Variants in FBLN5 observed in about 807,000 individuals in gnomAD.
The protein encoded by FBLN5 is fibulin-5.
FBLN5 carries 24 observed loss-of-function variants against 61.6 expected under a neutral mutation model. That is an observed-to-expected ratio of 0.39 (90% CI 0.28 to 0.55). The LOEUF (loss-of-function observed/expected upper bound fraction) is 0.55. Ranked by LOEUF, FBLN5 falls within the 20% of genes least tolerant of loss-of-function variation. FBLN5 has a pLI of 0.65. For synonymous variants in FBLN5, 213 were observed against 219.8 expected, an observed-to-expected ratio of 0.97 and a Z score of 0.27; for missense variants, 470 against 594.1, an observed-to-expected ratio of 0.79 and a Z score of 2.17.
intron 4 of FBLN5, among the ~76,000 whole-genome samples, chr14:91,916,578 C>T (rs926875024): frequency 6.6e-6 from 1 of 152,188 alleles, no homozygotes; most frequent in Non-Finnish European, 1.5e-5. Context: ...GGGGCAGTAT[C>T]AGTACTTGCT....
At chr14:91,921,454 T>C (rs1417499206) in intron 4 of FBLN5, among the ~76,000 whole-genome samples, 1 of 152,056 alleles carries the variant, frequency 6.6e-6, no homozygotes, top group South Asian at 2.1e-4. Flanking sequence ...AGCTAAGGGA[T>C]GGGAAAATCA....
chr14:91,883,256 T>C (rs1438367709), intron 7 of FBLN5, among the ~76,000 whole-genome samples, 180 bp from the exon 8 acceptor site: 1 of 152,250 alleles, frequency 6.6e-6, no homozygotes. Context: ...CTACTGAGGA[T>C]AACCATTGAT....
chr14:91,925,639 G>A (rs1465642169), intron 4 of FBLN5, among the ~76,000 whole-genome samples: 2 of 152,224 alleles, frequency 1.3e-5, no homozygotes, highest in Non-Finnish European at 2.9e-5. Flanking sequence ...TTCAAGGTAC[G>A]AAGGGCACAG....
At chr14:91,892,000 C>T (rs981359444) in intron 5 of FBLN5, among the ~76,000 whole-genome samples, 1 of 152,184 alleles carries the variant, frequency 6.6e-6, no homozygotes, top group African/African-American at 2.4e-5. Flanking sequence ...CCAGAGTGAA[C>T]ATAAAACTCT....
Position 91,947,547 on chromosome 14 carries a change from C to G in FBLN5, c.-318G>C. 3 of 476,928 alleles carry G rather than the reference C, an allele frequency of 6.3e-6. No homozygotes were observed. Among genetic ancestry groups the G allele is most frequent in the Non-Finnish European group, 1.1e-5 (3 of 260,920 alleles). The allele number at this position is 476,928 out of a possible 1,614,324, so 29.5% of individuals were successfully genotyped here. On this transcript the variant is annotated 5_prime_UTR_variant, in exon 1 of 11. Transcript: ENST00000342058. This position sits in a 1 kb window ranked among gnomAD's most constrained non-coding sequence, Gnocchi z 4.3. ...TAAACAATGCAAATGGGGCCTCAGT[C>G]TGGACACAGCTGGTTCAGATTACAG...
At chr14:91,945,572 C>A (rs903397669) in intron 1 of FBLN5, among the ~76,000 whole-genome samples, 2 of 152,176 alleles carry the variant, frequency 1.3e-5, no homozygotes, top group Non-Finnish European at 2.9e-5. Flanking sequence ...TTACTACAAA[C>A]GTGCACCACA....
At chr14:91,871,896 G>A (rs1888948889) in intron 10 of FBLN5, among the ~76,000 whole-genome samples, 1 of 151,686 alleles carries the variant, frequency 6.6e-6, no homozygotes, top group African/African-American at 2.4e-5. Context: ...GAAAGGCCTT[G>A]CCACTCAAAG....
At chr14:91,902,291 T>G (rs1368820138) in intron 4 of FBLN5, among the ~76,000 whole-genome samples, 2 of 151,570 alleles carry the variant, frequency 1.3e-5, no homozygotes, top group East Asian at 1.9e-4. Context: ...GTTTTTTTTT[T>G]TTTTTTTTCA....
At position 91,881,276 on chromosome 14, in the gene FBLN5, G is replaced by T. The variant is rs747857046; in HGVS notation, c.989+16C>A. 7.4e-6 allele frequency: 12 copies of T among 1,613,772 alleles called. No homozygotes were observed. Among genetic ancestry groups the T allele is most frequent in the Middle Eastern group, 1.6e-4 (1 of 6,078 alleles). On this transcript the variant is annotated intron_variant, in intron 9 of 10. Coordinates refer to ENST00000342058, the MANE Select transcript of FBLN5 (RefSeq NM_006329.4). ...CTCATCAGGTTTCTATTCCCCAGGG[G>T]GACGCCGTGACTTACTTATCACTGA...
At chr14:91,924,362 T>G (rs2055790049) in intron 4 of FBLN5, among the ~76,000 whole-genome samples, 1 of 152,228 alleles carries the variant, frequency 6.6e-6, no homozygotes, top group African/African-American at 2.4e-5. Context: ...CTTTTCTGCT[T>G]ATTTAACAAA....
chr14:91,937,001 T>G lies in FBLN5; in HGVS notation c.325A>C (p.Arg109=). 1 of 1,614,080 alleles carries G rather than the reference T, an allele frequency of 6.2e-7. No individual in the cohort carries two copies. The highest frequency in any genetic ancestry group is 8.5e-7 in the Non-Finnish European group (1 of 1,180,022). The change falls in exon 4 of 11, where the codon AGG becomes CGG. Residue 109 remains arginine (R), a synonymous_variant. Transcript: ENST00000342058. ...TATCCAAAGCGGCATATAAGAGGCC[T>G]GGAGATCGTGGGATAGTTTGGAGCT... ...LSAPNYPTIS[R]PLICRFGYQM...
intron 4 of FBLN5, among the ~76,000 whole-genome samples, chr14:91,925,279 A>C (rs961512869): frequency 1.3e-5 from 2 of 152,190 alleles, no homozygotes; most frequent in African/African-American, 2.4e-5. Flanking sequence ...AGGGCCCAGC[A>C]CTGGCTGTCC....
Position 91,943,049 on chromosome 14 carries a change from G to A in FBLN5, c.18-88C>T, listed in dbSNP as rs565448041. 3 of 869,982 alleles carry A rather than the reference G, an allele frequency of 3.4e-6. No homozygotes were observed. Among genetic ancestry groups the A allele is most frequent in the Admixed American group, 2.0e-5 (1 of 50,146 alleles). 53.9% of individuals were successfully genotyped at this position (869,982 alleles called of 1,614,324 possible). A position where few individuals can be genotyped will look rare whatever the true frequency, so the allele number is the denominator to read the frequency against. On this transcript the variant is annotated intron_variant, in intron 1 of 10. Transcript: ENST00000342058. The surrounding 1 kb of genome is among the most constrained non-coding windows in gnomAD (Gnocchi z 4.0). ...TCGCATGCGGCCCGTGACGTGTAACGGTGATATCACCTTGGGCTTGTATGG... is the reference window on the plus strand; with the variant it reads ...TCGCATGCGGCCCGTGACGTGTAACAGTGATATCACCTTGGGCTTGTATGG...
intron 4 of FBLN5, among the ~76,000 whole-genome samples, chr14:91,895,730 G>A (rs1890194779): frequency 6.7e-6 from 1 of 149,702 alleles, no homozygotes; most frequent in African/African-American, 2.5e-5. Flanking sequence ...CCCAGGAGGT[G>A]GAGGCTGCAG....
chr14:91,922,110 T>C (rs1595336249), intron 4 of FBLN5, among the ~76,000 whole-genome samples: 1 of 151,966 alleles, frequency 6.6e-6, no homozygotes, highest in African/African-American at 2.4e-5. Flanking sequence ...ACGGCCAACA[T>C]GGCAAAACCC....
chr14:91,883,664 A>AAAAAAAACAC (rs758858453), intron 7 of FBLN5, among the ~76,000 whole-genome samples: 1 of 148,396 alleles, frequency 6.7e-6, no homozygotes, highest in African/African-American at 2.5e-5. Flanking sequence ...AAACAAAAAA[A>AAAAAAAACAC]ACACACACAC....
At chr14:91,892,720 T>G (rs907323652) in intron 5 of FBLN5, among the ~76,000 whole-genome samples, 1 of 152,154 alleles carries the variant, frequency 6.6e-6, no homozygotes, top group Non-Finnish European at 1.5e-5. Flanking sequence ...TACCCTTCAC[T>G]ACGGGTACCT....
intron 9 of FBLN5, among the ~76,000 whole-genome samples, chr14:91,879,738 AT>A (rs535198829): frequency 1.1e-3 from 171 of 152,324 alleles, no homozygotes; most frequent in Admixed American, 3.1e-3. Flanking sequence ...TCCCTAAAGG[AT>A]CCGCCTGTCC....
chr14:91,906,074 A>T (rs1297750176), intron 4 of FBLN5, among the ~76,000 whole-genome samples: 1 of 152,020 alleles, frequency 6.6e-6, no homozygotes, highest in Non-Finnish European at 1.5e-5. Context: ...TTCAGTAGAG[A>T]CAGGGTTTTG....
Sources: gnomAD v4.1 joint callset for allele counts (sites outside exome capture counted in the v4.1 genomes callset) on GRCh38, gnomAD v4.1.1 for gene constraint, Gnocchi (gnomAD v3.1) non-coding constraint, MANE v1.5 for transcripts, NCBI Gene and HGNC (gene_info 2026-07-23, HGNC 2026-07-21) for gene names.